Variants in ASIC2 observed in about 807,000 individuals in gnomAD.
ASIC2 encodes the protein acid sensing ion channel subunit 2.
Under a neutral mutation model 57.3 loss-of-function variants are expected in ASIC2, and 25 were observed. The observed-to-expected ratio is 0.44, with a 90% CI of 0.32 to 0.61. The LOEUF is 0.61. Ranked by LOEUF, ASIC2 falls within the 20% of genes least tolerant of loss-of-function variation. The pLI is 0.06. For missense variants in ASIC2, 641 were observed against 738.1 expected, an observed-to-expected ratio of 0.87 and a Z score of 1.52; for synonymous variants, 319 against 307.5, an observed-to-expected ratio of 1.04 and a Z score of -0.39.
chr17:33,057,205 G>C (rs900965366), intron 3 of ASIC2, among the ~76,000 whole-genome samples: 15 of 152,158 alleles, frequency 9.9e-5, no homozygotes, highest in African/African-American at 3.6e-4. Flanking sequence ...CAGTTGGTGT[G>C]GGGTGAGGTC....
chr17:33,468,508 A>G (rs1267775348), intron 1 of ASIC2, among the ~76,000 whole-genome samples: 2 of 152,186 alleles, frequency 1.3e-5, no homozygotes, highest in African/African-American at 4.8e-5. Flanking sequence ...AATTTAATAA[A>G]AGAAAAATTA....
At chr17:33,332,439 A>C (rs946236511) in intron 1 of ASIC2, among the ~76,000 whole-genome samples, 1 of 152,160 alleles carries the variant, frequency 6.6e-6, no homozygotes, top group African/African-American at 2.4e-5. Context: ...TTGGTATCGA[A>C]TCTTGGCGAT....
At chr17:33,260,888 C>T (rs959938543) in intron 1 of ASIC2, among the ~76,000 whole-genome samples, 1 of 152,214 alleles carries the variant, frequency 6.6e-6, no homozygotes, top group Non-Finnish European at 1.5e-5. Context: ...CCTGCTGCCA[C>T]GTAGCATGAT....
intron 1 of ASIC2, among the ~76,000 whole-genome samples, chr17:33,531,938 G>GA (rs1233019031): frequency 6.6e-6 from 1 of 152,248 alleles, no homozygotes; most frequent in Non-Finnish European, 1.5e-5. Flanking sequence ...CATGGAAAGG[G>GA]AAAAGGTATT....
At chr17:34,153,691 A>C (rs371893503) in intron 1 of ASIC2, among the ~76,000 whole-genome samples, 1 of 152,190 alleles carries the variant, frequency 6.6e-6, no homozygotes, top group African/African-American at 2.4e-5. Flanking sequence ...TCCCTGAACA[A>C]CTTGAACAGC....
At chr17:33,746,495 T>G (rs370919972) in intron 1 of ASIC2, among the ~76,000 whole-genome samples, 50 of 151,296 alleles carry the variant, frequency 3.3e-4, no homozygotes, top group Admixed American at 1.4e-3. Context: ...CATATATGTA[T>G]ATATACATAT....
At chr17:33,446,732 A>G (rs1435574215) in intron 1 of ASIC2, among the ~76,000 whole-genome samples, 3 of 152,174 alleles carry the variant, frequency 2.0e-5, no homozygotes, top group Non-Finnish European at 4.4e-5. Flanking sequence ...CAGACCCAGA[A>G]TGGACTAGGT....
At chr17:33,165,254 T>G (rs890671374) in intron 1 of ASIC2, among the ~76,000 whole-genome samples, 1 of 152,182 alleles carries the variant, frequency 6.6e-6, no homozygotes, top group African/African-American at 2.4e-5. Flanking sequence ...GACTCAGGCA[T>G]CTAGGTAGGA....
chr17:33,130,743 T>C (rs1027422353), intron 1 of ASIC2, among the ~76,000 whole-genome samples: 2 of 152,160 alleles, frequency 1.3e-5, no homozygotes, highest in African/African-American at 4.8e-5. Flanking sequence ...TCCAGAGCCA[T>C]GAACTGGAGC....
At chr17:33,228,950 A>G (rs1057319477) in intron 1 of ASIC2, among the ~76,000 whole-genome samples, 1 of 152,190 alleles carries the variant, frequency 6.6e-6, no homozygotes, top group African/African-American at 2.4e-5. Flanking sequence ...TTGCATGGGG[A>G]TCCTGAGCTG....
intron 1 of ASIC2, among the ~76,000 whole-genome samples, chr17:33,911,793 A>C (rs932996693): frequency 2.0e-5 from 3 of 152,164 alleles, no homozygotes; most frequent in African/African-American, 7.2e-5. Context: ...TATGGATTGA[A>C]TACTACGCCA....
chr17:33,749,035 G>A (rs940010900), intron 1 of ASIC2, among the ~76,000 whole-genome samples: 5 of 152,280 alleles, frequency 3.3e-5, no homozygotes, highest in Middle Eastern at 3.4e-3. Flanking sequence ...CTCCAGAGGT[G>A]AGAGGAGAGC....
chr17:33,553,292 T>G (rs1209225366), intron 1 of ASIC2, among the ~76,000 whole-genome samples: 1 of 152,150 alleles, frequency 6.6e-6, no homozygotes, highest in Non-Finnish European at 1.5e-5. Context: ...TGGTTTATTT[T>G]GGGCTTTAGA....
chr17:33,025,820 C>G, intron 5 of ASIC2, 106 bp downstream of exon 5: 1 of 1,145,616 alleles, frequency 8.7e-7, no homozygotes, highest in South Asian at 1.6e-5. Context: ...CTCATCCTCT[C>G]TCCATTCCTT....
intron 1 of ASIC2, among the ~76,000 whole-genome samples, chr17:33,366,617 C>A (rs934936192): frequency 5.3e-5 from 8 of 152,216 alleles, no homozygotes; most frequent in Non-Finnish European, 1.2e-4. Context: ...CTCTTATAAC[C>A]CTCACTAAAC....
chr17:33,983,337 G>A (rs933226230), intron 1 of ASIC2, among the ~76,000 whole-genome samples: 2 of 152,132 alleles, frequency 1.3e-5, no homozygotes, highest in Non-Finnish European at 2.9e-5. Flanking sequence ...TCCTGGATGA[G>A]TCTTAATCTC....
intron 1 of ASIC2, among the ~76,000 whole-genome samples, chr17:33,564,631 G>A (rs1380872887): frequency 6.6e-6 from 1 of 152,260 alleles, no homozygotes. Flanking sequence ...ACCTCGAAGT[G>A]CCAGCAAGCC....
chr17:33,973,769 T>C (rs937739119), intron 1 of ASIC2, among the ~76,000 whole-genome samples: 1 of 151,054 alleles, frequency 6.6e-6, no homozygotes, highest in Non-Finnish European at 1.5e-5. Context: ...TTGGCCTAGA[T>C]TGCAAACAGG....
intron 1 of ASIC2, among the ~76,000 whole-genome samples, chr17:33,359,581 C>T (rs1055888551): frequency 2.0e-5 from 3 of 152,130 alleles, no homozygotes; most frequent in East Asian, 1.9e-4. Flanking sequence ...CAAGAGGTAC[C>T]TAGAACTTAA....
Sources: allele counts gnomAD v4.1 joint callset (sites outside exome capture counted in the v4.1 genomes callset), GRCh38; gene constraint gnomAD v4.1.1; transcripts MANE v1.5; gene names NCBI Gene and HGNC (gene_info 2026-07-23, HGNC 2026-07-21).